MYOM2: variants seen among roughly 807,000 people sequenced by gnomAD.
MYOM2 encodes the protein myomesin-2.
In MYOM2, 254 loss-of-function variants were observed where a neutral mutation model predicts 187.6. The ratio of observed to expected loss-of-function variants is 1.35; its 90% CI spans 1.22 to 1.50. The LOEUF (loss-of-function observed/expected upper bound fraction) is 1.50, where lower values mean the gene tolerates loss of function less well. MYOM2 is among the 40% of genes most tolerant of loss of function. The pLI is 0.00. For missense variants in MYOM2, 2,796 were observed against 1,924.0 expected (o/e 1.45, Z -8.48); for synonymous variants, 981 against 753.8 (o/e 1.30, Z -4.94).
intron 15 of MYOM2, among the ~76,000 whole-genome samples, chr8:2,091,412 AAATTTTG>A: frequency 6.6e-6 from 1 of 152,204 alleles, no homozygotes; most frequent in African/African-American, 2.4e-5. Flanking sequence ...CAAATTACAG[AAATTTTG>A]AATTGCAATC....
chr8:2,059,888 A>G (rs1174301253), intron 6 of MYOM2, among the ~76,000 whole-genome samples: 2 of 151,768 alleles, frequency 1.3e-5, no homozygotes, highest in African/African-American at 4.8e-5. Context: ...GATTACAGAC[A>G]TGGGCCATCA....
In MYOM2 at chr8:2,143,822, C is replaced by T. The variant is rs74606534; in HGVS notation, c.4080+366C>T. ...AGCCACACTCGCCCTGACCTACCTG[C>T]GTGTGTGAAGGTGCAAGCCCCCTGC... On this transcript the variant is annotated intron_variant, in intron 36 of 36. Transcript: ENST00000262113. Among the ~76,000 whole-genome samples the T allele has an allele frequency of 3.9e-5, 6 of 152,218 alleles. No homozygotes were observed. In the East Asian group the frequency reaches 7.7e-4, roughly 20 times the overall value.
intron 11 of MYOM2, among the ~76,000 whole-genome samples, chr8:2,077,452 T>TTTTGTTTG (rs765485680): frequency 6.6e-6 from 1 of 152,198 alleles, no homozygotes; most frequent in African/African-American, 2.4e-5. Context: ...GGGAATTGGC[T>TTTTGTTTG]TTTGTTTGTT....
intron 35 of MYOM2, 74 bp downstream of exon 35, chr8:2,142,471 A>T (rs1390367873): frequency 4.8e-6 from 7 of 1,461,776 alleles, no homozygotes; most frequent in Middle Eastern, 1.7e-4. Flanking sequence ...ATTTTGGAGG[A>T]CCAACTTTGT....
chr8:2,136,874 G>A (rs563267588), intron 32 of MYOM2, among the ~76,000 whole-genome samples: 16 of 152,274 alleles, frequency 1.1e-4, no homozygotes, highest in African/African-American at 3.9e-4. Context: ...CGCCGCAAAG[G>A]CTAAAACGCT....
intron 13 of MYOM2, among the ~76,000 whole-genome samples, chr8:2,080,690 C>G (rs955771809): frequency 6.6e-6 from 1 of 152,222 alleles, no homozygotes; most frequent in East Asian, 1.9e-4. Flanking sequence ...GCATGATAAA[C>G]CCTCCCCATT....
rs1819527011 is a variant in MYOM2, at chr8:2,078,894, G to A, written c.1423G>A (p.Val475Met). ...CCGACCCTCCAGGGTCTCTGATGCG[G>A]TGGCTGCACTTGACCCCTTGGACCT... ...ISRPSRVSDAVAALDPLDLRR... is the reference protein window; with the variant it reads ...ISRPSRVSDAMAALDPLDLRR... The change falls in exon 12 of 37, where the codon GTG becomes ATG. Residue 475 changes from valine to methionine, a missense_variant. Transcript: ENST00000262113. 4 of 1,614,038 alleles carry A rather than the reference G, an allele frequency of 2.5e-6. No homozygotes were observed. Among genetic ancestry groups the A allele is most frequent in the Non-Finnish European group, 3.4e-6 (4 of 1,179,902 alleles).
chr8:2,071,695 G>A (rs763288224), intron 8 of MYOM2, among the ~76,000 whole-genome samples: 38 of 152,222 alleles, frequency 2.5e-4, no homozygotes, highest in Non-Finnish European at 4.6e-4. Context: ...TCTCCGCTCC[G>A]GCTGCTGGAA....
At position 2,111,590 on chromosome 8, in the gene MYOM2, C is replaced by T. The variant is rs186763745; in HGVS notation, c.3180+2059C>T. Reference sequence around the variant, plus strand: ...CAACCTGAAGTTTACTCTTGATATTCGGAAGTAAACACTCCACACTGTAAA... The same window carrying T: ...CAACCTGAAGTTTACTCTTGATATTTGGAAGTAAACACTCCACACTGTAAA... On this transcript the variant is annotated intron_variant, in intron 25 of 36. Transcript: ENST00000262113. 8.5e-5 allele frequency among the ~76,000 whole-genome samples: 13 copies of T among 152,260 alleles called. No individual in the cohort carries two copies. The East Asian group carries it at 1.5e-3, about 18-fold the overall frequency.
rs769765244 is a variant in MYOM2, at chr8:2,100,922, G to C, written c.2487G>C (p.Leu829Phe). Residue 829 changes from leucine (L) to phenylalanine (F), a missense_variant, in exon 20 of 37, where the codon TTG (leucine) becomes TTC (phenylalanine). Coordinates refer to ENST00000262113, the MANE Select transcript of MYOM2 (RefSeq NM_003970.4). ...TCTGTGAGGTCAGGGACACGTCCTT[G>C]GTCATGCTGTGGAAGGCCCCTGTGT... ...LTFCEVRDTS[L>F]VMLWKAPVYS... is the part of the protein sequence containing the mutation. 3.7e-6 allele frequency: 6 copies of C among 1,614,166 alleles called. No homozygotes were observed. Among genetic ancestry groups the C allele is most frequent in the Non-Finnish European group, 2.5e-6 (3 of 1,180,028 alleles).
At chr8:2,124,102 A>G (rs966655083) in intron 30 of MYOM2, 77 bp from the exon 31 acceptor site, 1 of 1,395,952 alleles carries the variant, frequency 7.2e-7, no homozygotes, top group South Asian at 1.3e-5. Flanking sequence ...TCCTGCATCG[A>G]TTTAATTAAA....
intron 15 of MYOM2, among the ~76,000 whole-genome samples, chr8:2,091,822 C>G (rs1002511702): frequency 6.6e-6 from 1 of 152,112 alleles, no homozygotes; most frequent in Admixed American, 6.5e-5. Flanking sequence ...CCCAGGTGGC[C>G]GGCACGGAGG....
At chr8:2,082,795 A>T (rs4875919) in intron 13 of MYOM2, among the ~76,000 whole-genome samples, 41,182 of 152,122 alleles carry the variant, frequency 0.27, 5,726 homozygotes, top group East Asian at 0.34. Flanking sequence ...TGCAGCCCAC[A>T]TGCTCAGTCA....
chr8:2,070,788 G>C (rs1470268065), intron 8 of MYOM2, among the ~76,000 whole-genome samples: 1 of 152,088 alleles, frequency 6.6e-6, no homozygotes, highest in Non-Finnish European at 1.5e-5. Context: ...TATATAACAC[G>C]ACATTAACCA....
At chr8:2,051,515 G>C (rs1322025841) in intron 2 of MYOM2, among the ~76,000 whole-genome samples, 1 of 152,218 alleles carries the variant, frequency 6.6e-6, no homozygotes, top group Non-Finnish European at 1.5e-5. Flanking sequence ...TGCAGCCCAG[G>C]TGCCTGCCTC....
Position 2,143,565 on chromosome 8 carries a change from T to C in MYOM2, c.4080+109T>C, listed in dbSNP as rs1585986712. ...AACCCAGTGAGGGGCTTCTGTGTCCTCACTCAGCCTGCAGGGAACCCAGAG... is the reference window on the plus strand; with the variant it reads ...AACCCAGTGAGGGGCTTCTGTGTCCCCACTCAGCCTGCAGGGAACCCAGAG... On this transcript the variant is annotated intron_variant, in intron 36 of 36. Coordinates refer to ENST00000262113, the MANE Select transcript of MYOM2 (RefSeq NM_003970.4). 4 of 1,356,640 alleles carry C rather than the reference T, an allele frequency of 2.9e-6. No homozygotes were observed. In the East Asian group the frequency reaches 9.5e-5, roughly 32 times the overall value. The allele number at this position is 1,356,640 out of a possible 1,614,324, so 84.0% of individuals were successfully genotyped here.
chr8:2,075,591 A>C (rs1168345696), intron 10 of MYOM2, among the ~76,000 whole-genome samples: 1 of 152,202 alleles, frequency 6.6e-6, no homozygotes, highest in Admixed American at 6.5e-5. Context: ...CAGTGTATTA[A>C]CTTTCTATGT....
Position 2,129,158 on chromosome 8 carries a change from C to A in MYOM2, c.3726C>A (p.Cys1242Ter). The change falls in exon 32 of 37, where the codon TGC (cysteine) becomes TGA (stop). Residue 1242 changes from cysteine to a stop codon, truncating the protein, a stop_gained. Transcript: ENST00000262113. LOFTEE classifies it high-confidence loss of function. Reference sequence around the variant, plus strand: ...CTGCTTCGCCACTGAAGGTACTCTGCACCCCAGAAGGAATACGACTTCAGT... The same window carrying A: ...CTGCTTCGCCACTGAAGGTACTCTGAACCCCAGAAGGAATACGACTTCAGT... The part of the protein sequence containing the change: ...GKSASPLKVL[C>*]TPEGIRLQCF... 6.2e-7 allele frequency: 1 copy of A among 1,611,280 alleles called. No individual in the cohort carries two copies. The highest frequency in any genetic ancestry group is 8.5e-7 in the Non-Finnish European group (1 of 1,177,582).
chr8:2,073,700 T>G (rs1051211391), intron 10 of MYOM2, among the ~76,000 whole-genome samples, 200 bp downstream of exon 10: 11 of 152,182 alleles, frequency 7.2e-5, no homozygotes, highest in African/African-American at 2.4e-4. Flanking sequence ...GACGGAAGAA[T>G]CGGGACACAA....
Sources: gnomAD v4.1 joint callset for allele counts (sites outside exome capture counted in the v4.1 genomes callset) on GRCh38, gnomAD v4.1.1 for gene constraint, MANE v1.5 for transcripts, NCBI Gene and HGNC (gene_info 2026-07-23, HGNC 2026-07-21) for gene names.